Variants in CLIP1 observed in about 807,000 individuals in gnomAD.
CLIP1 encodes CAP-Gly domain-containing linker protein 1.
Under a neutral mutation model 161.6 loss-of-function variants are expected in CLIP1, and 66 were observed. The ratio of observed to expected loss-of-function variants is 0.41; its 90% CI spans 0.33 to 0.50. The LOEUF is 0.50. Among genes scored for constraint, CLIP1 ranks in the 20% least tolerant of loss-of-function variants. The pLI is 0.27. For missense variants in CLIP1, 1,376 were observed against 1,702.0 expected, an observed-to-expected ratio of 0.81 and a Z score of 3.37; for synonymous variants, 598 against 626.2, an observed-to-expected ratio of 0.96 and a Z score of 0.67.
intron 7 of CLIP1, among the ~76,000 whole-genome samples, chr12:122,354,249 G>A (rs765337863): frequency 2.6e-5 from 4 of 151,960 alleles, no homozygotes; most frequent in Admixed American, 6.6e-5. Context: ...CAAAAAATTA[G>A]CCAGGCGTGG....
At chr12:122,304,975 T>C (rs1474767489) in intron 20 of CLIP1, among the ~76,000 whole-genome samples, 1 of 152,234 alleles carries the variant, frequency 6.6e-6, no homozygotes, top group East Asian at 1.9e-4. Flanking sequence ...TCAATTTAGA[T>C]GCTAACCCCA....
At chr12:122,378,031 A>G in intron 2 of CLIP1, 71 bp from the exon 3 acceptor site, 4 of 1,362,466 alleles carry the variant, frequency 2.9e-6, no homozygotes, top group Non-Finnish European at 4.0e-6. Context: ...AAGAAAAACT[A>G]GAGAAAGCCA....
At chr12:122,308,248 G>T (rs1402049542) in intron 20 of CLIP1, among the ~76,000 whole-genome samples, 1 of 152,186 alleles carries the variant, frequency 6.6e-6, no homozygotes, top group Non-Finnish European at 1.5e-5. Flanking sequence ...TCAAGAGGAT[G>T]ATCTCTGTAA....
chr12:122,419,393 A>C (rs886408575), intron 1 of CLIP1, among the ~76,000 whole-genome samples: 2 of 151,958 alleles, frequency 1.3e-5, no homozygotes, highest in Non-Finnish European at 2.9e-5. Context: ...TAATTAAAAA[A>C]AAATAAGAAA....
At chr12:122,404,912 C>CA (rs373167612) in intron 1 of CLIP1, among the ~76,000 whole-genome samples, 3,315 of 124,076 alleles carry the variant, frequency 0.027, 75 homozygotes, top group African/African-American at 0.062. Context: ...AAAAAAAAAA[C>CA]AAAACAAAAA....
chr12:122,362,094 C>T (rs1465267941), intron 4 of CLIP1, among the ~76,000 whole-genome samples: 1 of 151,480 alleles, frequency 6.6e-6, no homozygotes, highest in East Asian at 2.0e-4. Context: ...GCTGGGACTA[C>T]AGGCACACGC....
intron 1 of CLIP1, among the ~76,000 whole-genome samples, chr12:122,405,757 T>C (rs1467941097): frequency 2.3e-5 from 3 of 127,754 alleles, no homozygotes; most frequent in Non-Finnish European, 1.6e-5. Flanking sequence ...CACCACACTA[T>C]CTCAAAAAAA....
rs778243200 is a variant in CLIP1, at chr12:122,278,981, C to T, written c.3766-39G>A. 5.6e-6 allele frequency: 9 copies of T among 1,603,896 alleles called. No homozygotes were observed. In the East Asian group the frequency reaches 9.0e-5, roughly 16 times the overall value. On this transcript the variant is annotated intron_variant, in intron 22 of 25. Transcript: ENST00000620786. ...GTTTAGCTTAGGCTGAGGGTTTGAA[C>T]GAAAGGAGGCCGCGTGAAAGCTCGT...
chr12:122,294,679 A>G (rs1227018629), intron 20 of CLIP1, among the ~76,000 whole-genome samples: 2 of 152,034 alleles, frequency 1.3e-5, no homozygotes, highest in Non-Finnish European at 2.9e-5. Context: ...GGGAGGCTAC[A>G]ATGAGTCAAG....
Position 122,369,801 on chromosome 12 carries a change from C to T in CLIP1, c.658-5694G>A, listed in dbSNP as rs540870711. ...CATGACTTAAGTGACCACGAGGCAC[C>T]GGGCACAAAACATCCCAAGCAGAAG... On this transcript the variant is annotated intron_variant, in intron 3 of 25. Transcript: ENST00000620786. 2.8e-4 allele frequency among the ~76,000 whole-genome samples: 43 copies of T among 151,256 alleles called. 1 individual carries two copies. The highest frequency in any genetic ancestry group is 1.9e-3 in the Admixed American group (29 of 15,104).
At chr12:122,313,417 G>A (rs1951137117) in intron 19 of CLIP1, among the ~76,000 whole-genome samples, 1 of 152,116 alleles carries the variant, frequency 6.6e-6, no homozygotes, top group Non-Finnish European at 1.5e-5. Context: ...TTCGAAGGAG[G>A]GGGTCACAAA....
At chr12:122,402,532 T>C (rs1956178895) in intron 1 of CLIP1, among the ~76,000 whole-genome samples, 1 of 151,882 alleles carries the variant, frequency 6.6e-6, no homozygotes, top group South Asian at 2.1e-4. Context: ...TCCCAGCACT[T>C]TGGGAGACCG....
chr12:122,338,539 A>G (rs1009854836), intron 11 of CLIP1, among the ~76,000 whole-genome samples: 33 of 152,104 alleles, frequency 2.2e-4, no homozygotes, highest in Admixed American at 6.5e-4. Flanking sequence ...CAACATGGTG[A>G]AACCCTCTCT....
chr12:122,375,726 A>G (rs1382501776), intron 3 of CLIP1, among the ~76,000 whole-genome samples: 1 of 152,198 alleles, frequency 6.6e-6, no homozygotes, highest in African/African-American at 2.4e-5. Context: ...CCAAAAATTA[A>G]AAATCAGAAG....
chr12:122,334,636 G>GCACATGCACACATGCAAGACACACAT lies in CLIP1; in HGVS notation c.2626+11_2626+12insATGTGTGTCTTGCATGTGTGCATGTG. ...TTTTAAAGCAATCTGCACACGCTCT[G>GCACATGCACACATGCAAGACACACAT]GTAAGACATACCTTGCATACTTCTC... On this transcript the variant is annotated intron_variant, in intron 13 of 25. Coordinates refer to ENST00000620786, the MANE Select transcript of CLIP1 (RefSeq NM_001247997.2). 6.4e-7 allele frequency: 1 copy of GCACATGCACACATGCAAGACACACAT among 1,565,626 alleles called. No homozygotes were observed. The highest frequency in any genetic ancestry group is 8.7e-7 in the Non-Finnish European group (1 of 1,147,856).
intron 20 of CLIP1, among the ~76,000 whole-genome samples, chr12:122,299,196 A>G (rs542820387): frequency 6.6e-6 from 1 of 151,924 alleles, no homozygotes. Flanking sequence ...GCAGAGGCAG[A>G]GTGGAAAAGA....
intron 21 of CLIP1, chr12:122,281,024 G>C (rs1955624191): frequency 6.6e-6 from 1 of 152,248 alleles, no homozygotes; most frequent in Admixed American, 6.5e-5. Context: ...TGTATGTCTG[G>C]TTAGTGAGAC....
At chr12:122,376,907 C>T (rs1185145453) in intron 3 of CLIP1, among the ~76,000 whole-genome samples, 1 of 152,012 alleles carries the variant, frequency 6.6e-6, no homozygotes, top group Non-Finnish European at 1.5e-5. Context: ...TAATTTGTTG[C>T]GTAGTTACCC....
Position 122,341,105 on chromosome 12 carries a change from A to C in CLIP1, c.2099T>G (p.Met700Arg). The C allele has an allele frequency of 6.2e-7, 1 of 1,613,596 alleles. No individual in the cohort carries two copies. The highest frequency in any genetic ancestry group is 1.7e-4 in the Middle Eastern group (1 of 6,060). The change falls in exon 11 of 26, where the codon ATG (methionine) becomes AGG (arginine). Residue 700 changes from methionine (M) to arginine (R), a missense_variant. Physicochemically the swap from Met to Arg is moderately conservative, Grantham distance 91 (BLOSUM62 -1). This residue lies in a region of CLIP1 where 948 missense variants were observed against 1,134.8 expected (regional missense o/e 0.84). Transcript: ENST00000620786. ...GTTTTCCTTTTCTTTAATAACTTTC[A>C]TCAGTTTAGCCCTCAAGGCTTCCAT... ...KEMEALRAKL[M>R]KVIKEKENSL... is the part of the protein sequence containing the mutation.
Sources: gnomAD v4.1 joint callset for allele counts (sites outside exome capture counted in the v4.1 genomes callset) on GRCh38, gnomAD v4.1.1 for gene constraint, gnomAD v4.1.1 regional missense constraint, MANE v1.5 for transcripts, NCBI Gene and HGNC (gene_info 2026-07-23, HGNC 2026-07-21) for gene names.